The following UBXN4 variants were observed in gnomAD, a reference collection of about 807,000 sequenced individuals.
The protein encoded by UBXN4 is UBX domain-containing protein 4.
A neutral mutation model predicts 66.2 loss-of-function variants in UBXN4; 35 were observed. The ratio of observed to expected loss-of-function variants is 0.53; its 90% confidence interval spans 0.40 to 0.70. The LOEUF (loss-of-function observed/expected upper bound fraction) is 0.70, where lower values mean the gene tolerates loss of function less well. Among genes scored for constraint, UBXN4 ranks in the 30% least tolerant of loss-of-function variants. The pLI is 0.00. For synonymous variants in UBXN4, 203 were observed against 204.5 expected (o/e 0.99, Z 0.06); for missense variants, 533 against 599.8 (o/e 0.89, Z 1.16).
At position 135,784,288 on chromosome 2, in the gene UBXN4, A is replaced by G. The variant is rs1214690184; in HGVS notation, c.*1401A>G. ...AAACCAACTAAATGCCTTCTATAGAAGTAATTTTTGATGAGGAGAAATGGT... is the reference window on the plus strand; with the variant it reads ...AAACCAACTAAATGCCTTCTATAGAGGTAATTTTTGATGAGGAGAAATGGT... On this transcript the variant is annotated 3_prime_UTR_variant, in exon 13 of 13. Coordinates refer to ENST00000272638, the MANE Select transcript of UBXN4 (RefSeq NM_014607.4). The G allele has an allele frequency of 6.6e-6, 1 of 152,204 alleles. No homozygotes were observed. The highest frequency in any genetic ancestry group is 1.9e-4 in the East Asian group (1 of 5,204). The allele number at this position is 152,204 out of a possible 1,614,324, so 9.4% of individuals were successfully genotyped here.
intron 11 of UBXN4, 110 bp downstream of exon 11, chr2:135,779,189 T>A: frequency 8.4e-7 from 1 of 1,183,598 alleles, no homozygotes; most frequent in Non-Finnish European, 1.1e-6. Flanking sequence ...TGAAGGTAAT[T>A]AAAATTCAAG....
At chr2:135,773,435 C>T (rs1366675244) in intron 9 of UBXN4, among the ~76,000 whole-genome samples, 1 of 152,206 alleles carries the variant, frequency 6.6e-6, no homozygotes, top group Non-Finnish European at 1.5e-5. Flanking sequence ...CTCTCTCATG[C>T]CTGTATCAGT....
intron 11 of UBXN4, 161 bp from the exon 12 acceptor site, chr2:135,780,022 T>C (rs1199469082): frequency 1.7e-6 from 1 of 598,904 alleles, no homozygotes; most frequent in African/African-American, 1.9e-5. Context: ...TTCAGAAGTT[T>C]ATATATACGT....
chr2:135,741,891 G>A lies in UBXN4; in HGVS notation c.-39G>A. ...GCGGAGCCGGCTTCGGGACTGCGGA[G>A]ACTACACACCGAGCGAGCGCCTGGG... On this transcript the variant is annotated 5_prime_UTR_variant, in exon 1 of 13. Coordinates refer to ENST00000272638, the MANE Select transcript of UBXN4 (RefSeq NM_014607.4). 1.3e-6 allele frequency: 2 copies of A among 1,593,754 alleles called. No individual in the cohort carries two copies. Among genetic ancestry groups the A allele is most frequent in the South Asian group, 1.1e-5 (1 of 88,336 alleles).
At chr2:135,776,996 G>A (rs1246698334) in intron 10 of UBXN4, among the ~76,000 whole-genome samples, 1 of 152,206 alleles carries the variant, frequency 6.6e-6, no homozygotes, top group Non-Finnish European at 1.5e-5. Context: ...CCCCTGAAAT[G>A]GAAGCAGTTT....
At chr2:135,778,888 C>G in intron 10 of UBXN4, 60 bp from the exon 11 acceptor site, 1 of 1,465,398 alleles carries the variant, frequency 6.8e-7, no homozygotes, top group Non-Finnish European at 9.1e-7. Flanking sequence ...ATTTTGGATT[C>G]ATCTGAGTAA....
chr2:135,768,797 A>T (rs1398889335), intron 6 of UBXN4, among the ~76,000 whole-genome samples: 3 of 150,180 alleles, frequency 2.0e-5, no homozygotes, highest in African/African-American at 7.4e-5. Flanking sequence ...TCCTGACCTC[A>T]ATTGATCCGC....
chr2:135,760,395 C>A (rs550256891), intron 5 of UBXN4, among the ~76,000 whole-genome samples: 1 of 151,992 alleles, frequency 6.6e-6, no homozygotes, highest in Non-Finnish European at 1.5e-5. Flanking sequence ...CATGCCACTG[C>A]TCTCCAGCCT....
intron 5 of UBXN4, among the ~76,000 whole-genome samples, chr2:135,757,800 T>G (rs2077287101): frequency 6.6e-6 from 1 of 151,610 alleles, no homozygotes; most frequent in Admixed American, 6.6e-5. Context: ...TTTTTTTTTT[T>G]GGTCAGGTGT....
intron 5 of UBXN4, among the ~76,000 whole-genome samples, chr2:135,759,373 A>G (rs1372335817): frequency 1.3e-5 from 2 of 152,174 alleles, no homozygotes; most frequent in Non-Finnish European, 2.9e-5. Context: ...TTTATATTAT[A>G]CTTTTTTTCA....
At chr2:135,778,900 A>G (rs199572027) in intron 10 of UBXN4, 48 bp from the exon 11 acceptor site, 8 of 1,545,270 alleles carry the variant, frequency 5.2e-6, no homozygotes, top group Non-Finnish European at 6.1e-6. Flanking sequence ...TCTGAGTAAT[A>G]TCTTACTTTT....
Position 135,782,742 on chromosome 2 carries a change from G to GT in UBXN4, c.1389-6dup, listed in dbSNP as rs1206037805. 1.2e-6 allele frequency: 2 copies of GT among 1,605,488 alleles called. No individual in the cohort carries two copies. The highest frequency in any genetic ancestry group is 2.7e-5 in the African/African-American group (2 of 74,030). ...ATCTTCCCCTTGCTCCCTCTTTTTC[G>GT]TATCAGGGAACCAGTGAGAAAAAGA... On this transcript the variant is annotated splice_polypyrimidine_tract_variant and splice_region_variant and intron_variant, in intron 12 of 12. Coordinates refer to ENST00000272638, the MANE Select transcript of UBXN4 (RefSeq NM_014607.4).
intron 2 of UBXN4, among the ~76,000 whole-genome samples, chr2:135,752,529 G>T (rs2077249804): frequency 2.0e-5 from 3 of 152,140 alleles, no homozygotes; most frequent in African/African-American, 4.8e-5. Flanking sequence ...TATATAGATT[G>T]CTTTTAATCC....
intron 12 of UBXN4, among the ~76,000 whole-genome samples, chr2:135,781,483 A>C (rs1423327624): frequency 6.6e-6 from 1 of 152,212 alleles, no homozygotes; most frequent in African/African-American, 2.4e-5. Context: ...TGCCAGTCCT[A>C]TGTGATAAGT....
At chr2:135,751,436 C>T (rs562795233) in intron 2 of UBXN4, among the ~76,000 whole-genome samples, 4 of 151,752 alleles carry the variant, frequency 2.6e-5, no homozygotes, top group African/African-American at 7.3e-5. Flanking sequence ...GATCCACCTG[C>T]CCCGGCCTCC....
rs2077317852 is a variant in UBXN4 at position 135,761,841 on chromosome 2, A to G, written c.532A>G (p.Thr178Ala). Reference protein sequence around the residue: ...ATGGESAGHATSSQEPSGCSD... With the variant: ...ATGGESAGHAASSQEPSGCSD... The stretch of plus-strand genomic sequence containing the variant: ...AGGAGGAGAAAGTGCAGGCCATGCC[A>G]CTTCCTCTCAGGAGCCTAGTGGATG... Residue 178 changes from threonine (T) to alanine (A), a missense_variant, in exon 6 of 13, where the codon ACT becomes GCT. This residue lies in a region of UBXN4 where 529 missense variants were observed against 580.1 expected (regional missense o/e 0.91). Coordinates refer to ENST00000272638, the MANE Select transcript of UBXN4 (RefSeq NM_014607.4). 6 of 1,612,934 alleles carry G rather than the reference A, an allele frequency of 3.7e-6. No individual in the cohort carries two copies. The highest frequency in any genetic ancestry group is 4.2e-6 in the Non-Finnish European group (5 of 1,179,648).
intron 6 of UBXN4, among the ~76,000 whole-genome samples, chr2:135,765,152 T>A (rs1351540009): frequency 6.6e-6 from 1 of 152,054 alleles, no homozygotes; most frequent in Non-Finnish European, 1.5e-5. Context: ...AGATGTGAAA[T>A]AGGAATCTTT....
chr2:135,778,807 C>T lies in UBXN4; in HGVS notation c.1054-141C>T. 3 of 944,784 alleles carry T rather than the reference C, an allele frequency of 3.2e-6. No homozygotes were observed. In the South Asian group the frequency reaches 9.0e-5, roughly 28 times the overall value. 58.5% of individuals were successfully genotyped at this position (944,784 alleles called of 1,614,324 possible). A position where few individuals can be genotyped will look rare whatever the true frequency, so the allele number is the denominator to read the frequency against. On this transcript the variant is annotated intron_variant, in intron 10 of 12. Coordinates refer to ENST00000272638, the MANE Select transcript of UBXN4 (RefSeq NM_014607.4). Reference sequence around the variant, plus strand: ...TTCAGCTGCTTAGGGGCTGGAAGCACAATTTTATACCTTTTTTTGAGTTTA... The same window carrying T: ...TTCAGCTGCTTAGGGGCTGGAAGCATAATTTTATACCTTTTTTTGAGTTTA...
At chr2:135,774,544 C>A (rs1428277806) in intron 9 of UBXN4, among the ~76,000 whole-genome samples, 1 of 152,042 alleles carries the variant, frequency 6.6e-6, no homozygotes, top group Non-Finnish European at 1.5e-5. Context: ...TGAAGGATAT[C>A]ATCAAGAAAG....
Sources: allele counts gnomAD v4.1 joint callset (sites outside exome capture counted in the v4.1 genomes callset), GRCh38; gene constraint gnomAD v4.1.1; regional missense constraint gnomAD v4.1.1; transcripts MANE v1.5; gene names NCBI Gene and HGNC (gene_info 2026-07-23, HGNC 2026-07-21).